Variants in PTBP3 observed in about 807,000 individuals in gnomAD.
PTBP3 encodes polypyrimidine tract binding protein 3.
Under a neutral mutation model 58.7 loss-of-function variants are expected in PTBP3, and 20 were observed. The ratio of observed to expected loss-of-function variants is 0.34; its 90% confidence interval spans 0.24 to 0.50. The LOEUF is 0.50. PTBP3 is among the 20% of genes least tolerant of loss of function. The pLI is 0.98. For synonymous variants in PTBP3, 185 were observed against 219.8 expected, an observed-to-expected ratio of 0.84 and a Z score of 1.40; for missense variants, 509 against 637.2, an observed-to-expected ratio of 0.80 and a Z score of 2.17.
chr9:112,317,817 T>C (rs1468668466), intron 1 of PTBP3, among the ~76,000 whole-genome samples: 1 of 151,694 alleles, frequency 6.6e-6, no homozygotes, highest in African/African-American at 2.4e-5. Flanking sequence ...CATGGTGGTG[T>C]GCGCCTATAA....
chr9:112,297,257 T>C (rs1397126760), intron 2 of PTBP3, among the ~76,000 whole-genome samples: 4 of 152,218 alleles, frequency 2.6e-5, no homozygotes, highest in Non-Finnish European at 1.5e-5. Context: ...CAGGCTGAAG[T>C]GCAATGGCAC....
intron 2 of PTBP3, among the ~76,000 whole-genome samples, chr9:112,277,882 G>GTAACATAACATAACA (rs57476799): frequency 3.1e-4 from 40 of 130,216 alleles, no homozygotes; most frequent in Non-Finnish European, 5.3e-4. Flanking sequence ...TCAAAATAAC[G>GTAACATAACATAACA]TAACATAACA....
the PTBP3 span, among the ~76,000 whole-genome samples, chr9:112,366,243 T>C: frequency 2.6e-5 from 4 of 151,596 alleles, no homozygotes; most frequent in Admixed American, 1.3e-4. Context: ...AGACACACCA[T>C]TGCACTCCAG....
At chr9:112,313,453 A>T (rs1361114085) in intron 1 of PTBP3, among the ~76,000 whole-genome samples, 2 of 152,356 alleles carry the variant, frequency 1.3e-5, no homozygotes, top group South Asian at 4.1e-4. Context: ...TGCCTGGATA[A>T]CTAATTACTC....
At chr9:112,331,326 T>C (rs1830367150) in intron 1 of PTBP3, among the ~76,000 whole-genome samples, 2 of 152,328 alleles carry the variant, frequency 1.3e-5, no homozygotes, top group South Asian at 4.1e-4. Context: ...GAAAATCCCC[T>C]TTAAAGTCCT....
the PTBP3 span, among the ~76,000 whole-genome samples, chr9:112,375,200 G>A: frequency 1.1e-4 from 17 of 152,162 alleles, no homozygotes; most frequent in South Asian, 6.2e-4. Context: ...CAGTTTTTGA[G>A]CATTCAGAGA....
At position 112,234,800 on chromosome 9, in the gene PTBP3, A is replaced by T. The variant is rs1362616766; in HGVS notation, c.880+20T>A. 6.3e-7 allele frequency: 1 copy of T among 1,590,940 alleles called. No homozygotes were observed. Among genetic ancestry groups the T allele is most frequent in the East Asian group, 2.2e-5 (1 of 44,690 alleles). On this transcript the variant is annotated intron_variant, in intron 8 of 13. Transcript: ENST00000374257. Reference sequence around the variant, plus strand: ...ACAACTTCATTAAAAGTCATTTCAAATCCAACTTAAAAGAATCACCTGTAG... The same window carrying T: ...ACAACTTCATTAAAAGTCATTTCAATTCCAACTTAAAAGAATCACCTGTAG...
intron 5 of PTBP3, among the ~76,000 whole-genome samples, chr9:112,257,268 T>C (rs1248531133): frequency 6.6e-6 from 1 of 152,180 alleles, no homozygotes; most frequent in South Asian, 2.1e-4. Context: ...CTGAATAAAG[T>C]AACTGGGCAC....
the PTBP3 span, among the ~76,000 whole-genome samples, chr9:112,353,199 C>A: frequency 3.8e-3 from 577 of 151,912 alleles, 3 homozygotes; most frequent in African/African-American, 0.013. Flanking sequence ...CGGCGCCCAG[C>A]TGATGACTTT....
chr9:112,273,574 C>A (rs979392734), intron 3 of PTBP3, among the ~76,000 whole-genome samples: 1 of 152,180 alleles, frequency 6.6e-6, no homozygotes, highest in Non-Finnish European at 1.5e-5. Flanking sequence ...ACAGGATTTC[C>A]TTTAAGTATA....
chr9:112,360,161 A>G, the PTBP3 span, among the ~76,000 whole-genome samples: 2 of 152,190 alleles, frequency 1.3e-5, no homozygotes, highest in Non-Finnish European at 2.9e-5. Context: ...CATTATCAGA[A>G]GCAACTACCA....
chr9:112,376,314 C>T, the PTBP3 span, among the ~76,000 whole-genome samples: 7 of 122,584 alleles, frequency 5.7e-5, no homozygotes, highest in South Asian at 5.5e-4. Flanking sequence ...AGTGCAGTGG[C>T]GTGGTCTCCG....
chr9:112,333,234 AGCG>A (rs1830453542), intron 1 of PTBP3, among the ~76,000 whole-genome samples: 4 of 152,058 alleles, frequency 2.6e-5, no homozygotes, highest in African/African-American at 9.7e-5. Context: ...GCTAGGAAGC[AGCG>A]GACGTGTCCG....
At chr9:112,286,109 T>C (rs1421111252) in intron 2 of PTBP3, among the ~76,000 whole-genome samples, 2 of 152,252 alleles carry the variant, frequency 1.3e-5, no homozygotes, top group Non-Finnish European at 2.9e-5. Context: ...CTTTTCCTGA[T>C]ATTAGTACAG....
the PTBP3 span, among the ~76,000 whole-genome samples, chr9:112,363,845 G>C: frequency 6.6e-6 from 1 of 152,024 alleles, no homozygotes. Flanking sequence ...AACCAACATT[G>C]ACATATCATT....
At chr9:112,296,415 G>A (rs181499891) in intron 2 of PTBP3, among the ~76,000 whole-genome samples, 2 of 152,196 alleles carry the variant, frequency 1.3e-5, no homozygotes, top group Admixed American at 6.5e-5. Context: ...GCTAGAATGA[G>A]CTTGGTAGAT....
At chr9:112,356,191 C>G in the PTBP3 span, among the ~76,000 whole-genome samples, 61 of 152,116 alleles carry the variant, frequency 4.0e-4, no homozygotes, top group Non-Finnish European at 7.4e-4. Context: ...GTCGACCAGG[C>G]CAGTCTAGAA....
chr9:112,308,931 C>G (rs907506201), intron 1 of PTBP3, among the ~76,000 whole-genome samples: 16 of 152,064 alleles, frequency 1.1e-4, no homozygotes, highest in African/African-American at 3.4e-4. Flanking sequence ...ACGGGGCTAA[C>G]AAAGCAAAGA....
rs752749391 is a variant in PTBP3, at chr9:112,220,295, G to C, written c.*3556C>G. 16 of 1,318,194 alleles carry C rather than the reference G, an allele frequency of 1.2e-5. No homozygotes were observed. The South Asian group carries it at 1.6e-4, about 13-fold the overall frequency. The allele number at this position is 1,318,194 out of a possible 1,614,324, so 81.7% of individuals were successfully genotyped here. A position where few individuals can be genotyped will look rare whatever the true frequency, so the allele number is the denominator to read the frequency against. On this transcript the variant is annotated 3_prime_UTR_variant, in exon 14 of 14. Transcript: ENST00000374257. The stretch of plus-strand genomic sequence containing the variant: ...TGAAAAGAACAGAGAGCCAGGCGTG[G>C]TGGCTCATGCCTGTAATCCCAGCAC...
Sources: gnomAD v4.1 joint callset for allele counts (sites outside exome capture counted in the v4.1 genomes callset) on GRCh38, gnomAD v4.1.1 for gene constraint, MANE v1.5 for transcripts, NCBI Gene and HGNC (gene_info 2026-07-23, HGNC 2026-07-21) for gene names.